EIF4G3: variants seen among roughly 807,000 people sequenced by gnomAD.
EIF4G3 encodes the protein eIF-4-gamma 3.
EIF4G3 carries 34 observed loss-of-function variants against 186.4 expected under a neutral mutation model. The ratio of observed to expected loss-of-function variants is 0.18; its 90% CI spans 0.14 to 0.24. EIF4G3 has a LOEUF of 0.24. Among genes scored for constraint, EIF4G3 ranks in the 10% least tolerant of loss-of-function variants. EIF4G3 has a pLI of 1.00. For missense variants in EIF4G3, 1,536 were observed against 1,948.5 expected, an observed-to-expected ratio of 0.79 and a Z score of 3.99; for synonymous variants, 673 against 679.5, an observed-to-expected ratio of 0.99 and a Z score of 0.15.
intron 3 of EIF4G3, among the ~76,000 whole-genome samples, chr1:21,086,199 CTTTTTTT>C (rs397979515): frequency 1.1e-5 from 1 of 95,222 alleles, no homozygotes; most frequent in Non-Finnish European, 1.9e-5. Flanking sequence ...ACATGATACT[CTTTTTTT>C]TTTTTTTTTT....
Position 20,859,329 on chromosome 1 carries a change from G to A in EIF4G3, c.3244+1056C>T, listed in dbSNP as rs183844855. On this transcript the variant is annotated intron_variant, in intron 24 of 36. Transcript: ENST00000602326. ...CCAAAAGGCACTGCACTAGGTACTA[G>A]AGCGAGGAAGGTAAGTGTGGTATCT... 1.6e-3 allele frequency among the ~76,000 whole-genome samples: 250 copies of A among 152,274 alleles called. 1 individual carries two copies. The highest frequency in any genetic ancestry group is 5.8e-3 in the African/African-American group (243 of 41,558).
intron 19 of EIF4G3, among the ~76,000 whole-genome samples, 162 bp downstream of exon 19, chr1:20,886,039 G>A (rs948527334): frequency 6.6e-6 from 1 of 152,172 alleles, no homozygotes; most frequent in African/African-American, 2.4e-5. Context: ...AAAACAGTAG[G>A]TTGCCTGGCA....
chr1:21,098,467 A>G (rs1156994192), intron 2 of EIF4G3, among the ~76,000 whole-genome samples: 2 of 137,382 alleles, frequency 1.5e-5, no homozygotes, highest in East Asian at 5.1e-4. Context: ...TGAGCTCAGG[A>G]GGTGGAGACT....
At chr1:21,135,922 G>A (rs1357825160) in intron 2 of EIF4G3, among the ~76,000 whole-genome samples, 4 of 152,152 alleles carry the variant, frequency 2.6e-5, no homozygotes, top group African/African-American at 4.8e-5. Context: ...GGTGGCTCAC[G>A]CCTGTAATCC....
At chr1:20,910,344 G>A (rs2154558068) in intron 14 of EIF4G3, among the ~76,000 whole-genome samples, 1 of 152,278 alleles carries the variant, frequency 6.6e-6, no homozygotes, top group African/African-American at 2.4e-5. Flanking sequence ...CCAGCACTTT[G>A]GGATGCCAAG....
At position 21,176,775 on chromosome 1, in the gene EIF4G3, C is replaced by G; in HGVS notation, c.-509G>C. ...CGGCGGGGGATCTTTATCCCCCTCC[C>G]CGGAGGAAGCGGCGCCCTTCTCGGT... On this transcript the variant is annotated 5_prime_UTR_variant, in exon 1 of 37. Coordinates refer to ENST00000602326, the MANE Select transcript of EIF4G3 (RefSeq NM_001391906.1). 1 of 700,432 alleles carries G rather than the reference C, an allele frequency of 1.4e-6. No individual in the cohort carries two copies. The highest frequency in any genetic ancestry group is 2.6e-6 in the Non-Finnish European group (1 of 383,822). The allele number at this position is 700,432 out of a possible 1,614,324, so 43.4% of individuals were successfully genotyped here.
At chr1:20,824,915 A>T (rs1379151499) in intron 33 of EIF4G3, among the ~76,000 whole-genome samples, 185 bp downstream of exon 33, 1 of 152,096 alleles carries the variant, frequency 6.6e-6, no homozygotes, top group Non-Finnish European at 1.5e-5. Flanking sequence ...CTTTTTTTAA[A>T]TATCAATCAT....
chr1:20,812,243 G>A (rs1000254337), intron 35 of EIF4G3, among the ~76,000 whole-genome samples: 10 of 152,180 alleles, frequency 6.6e-5, no homozygotes, highest in African/African-American at 2.4e-4. Context: ...GGGCAACACA[G>A]TGACCCCCAC....
intron 3 of EIF4G3, among the ~76,000 whole-genome samples, chr1:21,083,764 C>CTGTT (rs1255740536): frequency 3.9e-5 from 6 of 152,202 alleles, no homozygotes; most frequent in African/African-American, 1.4e-4. Flanking sequence ...AGGCAGTGTG[C>CTGTT]TGTTGCTCAC....
At chr1:20,812,426 T>C (rs1185980331) in intron 35 of EIF4G3, among the ~76,000 whole-genome samples, 2 of 152,234 alleles carry the variant, frequency 1.3e-5, no homozygotes, top group Non-Finnish European at 2.9e-5. Context: ...AATAAATTCA[T>C]TGCAAATCTT....
intron 20 of EIF4G3, among the ~76,000 whole-genome samples, chr1:20,867,325 T>A (rs79206705): frequency 1.3e-5 from 2 of 152,194 alleles, no homozygotes; most frequent in Non-Finnish European, 2.9e-5. Context: ...TAATCTACTA[T>A]GTAAATTTGA....
intron 12 of EIF4G3, among the ~76,000 whole-genome samples, chr1:20,967,190 A>G (rs1241935589): frequency 6.6e-6 from 1 of 152,208 alleles, no homozygotes; most frequent in Non-Finnish European, 1.5e-5. Context: ...CAGAAAACCA[A>G]TCACACCCCA....
chr1:21,065,293 C>T (rs767929528), intron 3 of EIF4G3, among the ~76,000 whole-genome samples: 2 of 151,366 alleles, frequency 1.3e-5, no homozygotes, highest in African/African-American at 2.4e-5. Flanking sequence ...TTATCACTTT[C>T]CAAACACAAA....
chr1:21,159,493 T>C (rs867700988), intron 2 of EIF4G3, among the ~76,000 whole-genome samples: 17 of 151,204 alleles, frequency 1.1e-4, no homozygotes, highest in African/African-American at 3.9e-4. Context: ...TCCCAGCACT[T>C]TGGGAGGCCG....
intron 2 of EIF4G3, among the ~76,000 whole-genome samples, chr1:21,118,127 TGA>T (rs2096861363): frequency 1.3e-5 from 2 of 152,170 alleles, no homozygotes; most frequent in Non-Finnish European, 2.9e-5. Context: ...AGAAATTTCA[TGA>T]TTTTGTTCAT....
At chr1:21,084,346 C>A (rs1183948376) in intron 3 of EIF4G3, among the ~76,000 whole-genome samples, 3 of 151,982 alleles carry the variant, frequency 2.0e-5, no homozygotes, top group South Asian at 2.1e-4. Context: ...GGAAGCAAGG[C>A]ACGTCTTACA....
At chr1:20,844,219 C>T (rs1318354216) in intron 29 of EIF4G3, among the ~76,000 whole-genome samples, 1 of 152,140 alleles carries the variant, frequency 6.6e-6, no homozygotes, top group Non-Finnish European at 1.5e-5. Flanking sequence ...CTAGGTCTCT[C>T]AGGAATCGCC....
chr1:20,943,213 A>G (rs1046145816), intron 13 of EIF4G3, among the ~76,000 whole-genome samples: 1 of 151,196 alleles, frequency 6.6e-6, no homozygotes, highest in Non-Finnish European at 1.5e-5. Flanking sequence ...CATGTAAAAC[A>G]ATTAAGGAGA....
At chr1:20,924,538 A>G (rs891093065) in intron 14 of EIF4G3, among the ~76,000 whole-genome samples, 5 of 152,214 alleles carry the variant, frequency 3.3e-5, no homozygotes, top group Non-Finnish European at 5.9e-5. Flanking sequence ...CACATATATC[A>G]GATAAATCAT....
Sources: gnomAD v4.1 joint callset for allele counts (sites outside exome capture counted in the v4.1 genomes callset) on GRCh38, gnomAD v4.1.1 for gene constraint, MANE v1.5 for transcripts, NCBI Gene and HGNC (gene_info 2026-07-23, HGNC 2026-07-21) for gene names.